The following FSTL5 variants were observed in gnomAD, a reference collection of about 807,000 sequenced individuals.
FSTL5 encodes the protein follistatin like 5.
A neutral mutation model predicts 89.1 loss-of-function variants in FSTL5; 62 were observed. The ratio of observed to expected loss-of-function variants is 0.70; its 90% CI spans 0.57 to 0.86. The LOEUF (loss-of-function observed/expected upper bound fraction) is 0.86, where lower values mean the gene tolerates loss of function less well. FSTL5 is among the 40% of genes least tolerant of loss of function. The pLI is 0.00. For missense variants in FSTL5, 1,057 were observed against 1,001.6 expected (o/e 1.06, Z -0.75); for synonymous variants, 383 against 346.2 (o/e 1.11, Z -1.18).
At chr4:161,554,276 C>T (rs540984049) in intron 8 of FSTL5, among the ~76,000 whole-genome samples, 1 of 151,454 alleles carries the variant, frequency 6.6e-6, no homozygotes, top group South Asian at 2.1e-4. Flanking sequence ...TTCTCAAAGG[C>T]CCACAGCAAC....
At chr4:161,558,487 A>C (rs1298091855) in intron 8 of FSTL5, among the ~76,000 whole-genome samples, 1 of 151,916 alleles carries the variant, frequency 6.6e-6, no homozygotes, top group Admixed American at 6.6e-5. Flanking sequence ...TATCAGTAGT[A>C]AAGACAAGTC....
intron 7 of FSTL5, among the ~76,000 whole-genome samples, chr4:161,614,785 G>A (rs1380547960): frequency 6.6e-6 from 1 of 151,908 alleles, no homozygotes; most frequent in Non-Finnish European, 1.5e-5. Context: ...ACTATACAAA[G>A]CATTGTAATT....
intron 3 of FSTL5, among the ~76,000 whole-genome samples, chr4:162,000,273 T>A (rs956763625): frequency 6.6e-6 from 1 of 152,106 alleles, no homozygotes; most frequent in Non-Finnish European, 1.5e-5. Flanking sequence ...ACTTCCTACA[T>A]ATATATATTT....
chr4:162,064,725 T>C (rs1227773553), intron 2 of FSTL5, among the ~76,000 whole-genome samples: 1 of 152,014 alleles, frequency 6.6e-6, no homozygotes, highest in Non-Finnish European at 1.5e-5. Flanking sequence ...GCTGTGTCTA[T>C]GGGTACACCA....
At chr4:162,038,057 G>T (rs1417489805) in intron 2 of FSTL5, among the ~76,000 whole-genome samples, 1 of 151,850 alleles carries the variant, frequency 6.6e-6, no homozygotes, top group Non-Finnish European at 1.5e-5. Context: ...CGATTCATTT[G>T]AAAAACATTC....
At chr4:162,070,513 G>C (rs1226786512) in intron 2 of FSTL5, among the ~76,000 whole-genome samples, 2 of 151,698 alleles carry the variant, frequency 1.3e-5, no homozygotes, top group African/African-American at 4.8e-5. Context: ...AATTCATTTT[G>C]AGTTGATTTT....
intron 6 of FSTL5, among the ~76,000 whole-genome samples, chr4:161,686,324 A>T (rs1267781033): frequency 1.4e-4 from 1 of 6,996 alleles, no homozygotes; most frequent in Non-Finnish European, 2.5e-4. Context: ...ATATATATAT[A>T]TATATATATA....
At chr4:161,711,104 T>C (rs1436910571) in intron 6 of FSTL5, among the ~76,000 whole-genome samples, 10 of 151,888 alleles carry the variant, frequency 6.6e-5, no homozygotes, top group African/African-American at 2.4e-4. Context: ...TGTAATATTT[T>C]TAATTAATAA....
At chr4:161,459,790 T>A (rs1733496644) in intron 13 of FSTL5, among the ~76,000 whole-genome samples, 2 of 152,102 alleles carry the variant, frequency 1.3e-5, no homozygotes, top group African/African-American at 4.8e-5. Flanking sequence ...TCTGTAATGT[T>A]AAAATGCCAA....
intron 1 of FSTL5, among the ~76,000 whole-genome samples, chr4:162,123,263 G>T (rs1731939803): frequency 6.6e-6 from 1 of 152,110 alleles, no homozygotes; most frequent in African/African-American, 2.4e-5. Context: ...AAACTGAAAT[G>T]CCACGGGGAA....
intron 3 of FSTL5, among the ~76,000 whole-genome samples, chr4:162,026,001 C>A (rs1225363810): frequency 6.6e-6 from 1 of 150,798 alleles, no homozygotes; most frequent in Non-Finnish European, 1.5e-5. Context: ...CAAATATACT[C>A]TTTTATAAAG....
At chr4:162,079,796 G>A (rs1292107295) in intron 2 of FSTL5, among the ~76,000 whole-genome samples, 1 of 151,324 alleles carries the variant, frequency 6.6e-6, no homozygotes, top group East Asian at 1.9e-4. Context: ...ACATCAAACT[G>A]GAAAGAGCTT....
chr4:161,486,143 C>CAAAAA (rs1278214856), intron 12 of FSTL5, among the ~76,000 whole-genome samples: 5 of 76,170 alleles, frequency 6.6e-5, no homozygotes, highest in African/African-American at 4.4e-5. Flanking sequence ...GACTCCGTCT[C>CAAAAA]AAAAAAAAAA....
chr4:162,105,793 G>A (rs1355435806), intron 2 of FSTL5, among the ~76,000 whole-genome samples: 2 of 151,990 alleles, frequency 1.3e-5, no homozygotes, highest in Non-Finnish European at 2.9e-5. Flanking sequence ...TCAGATGGTG[G>A]TCCAAACTGC....
At chr4:161,957,332 T>C (rs187017317) in intron 3 of FSTL5, among the ~76,000 whole-genome samples, 1 of 152,250 alleles carries the variant, frequency 6.6e-6, no homozygotes, top group Non-Finnish European at 1.5e-5. Context: ...CACAAACCTT[T>C]ATTATTCTCT....
At chr4:162,130,106 G>A (rs1229243988) in intron 1 of FSTL5, among the ~76,000 whole-genome samples, 1 of 152,316 alleles carries the variant, frequency 6.6e-6, no homozygotes, top group Admixed American at 6.5e-5. Context: ...TGGAGGTCTT[G>A]TAAAATGACT....
At chr4:161,941,884 C>T (rs925309516) in intron 3 of FSTL5, among the ~76,000 whole-genome samples, 2 of 151,764 alleles carry the variant, frequency 1.3e-5, no homozygotes, top group Non-Finnish European at 2.9e-5. Flanking sequence ...TGTTAGGCCA[C>T]AAGACAAATC....
intron 7 of FSTL5, among the ~76,000 whole-genome samples, chr4:161,633,045 T>C (rs2126658011): frequency 6.6e-6 from 1 of 152,144 alleles, no homozygotes; most frequent in Non-Finnish European, 1.5e-5. Flanking sequence ...TTTAGAATGA[T>C]TGTTTCTTTT....
At chr4:162,147,078 G>T (rs549284452) in intron 1 of FSTL5, among the ~76,000 whole-genome samples, 1 of 152,064 alleles carries the variant, frequency 6.6e-6, no homozygotes, top group African/African-American at 2.4e-5. Flanking sequence ...CATCGCACCT[G>T]GTCCTAACAT....
Sources: gnomAD v4.1 joint callset for allele counts (sites outside exome capture counted in the v4.1 genomes callset) on GRCh38, gnomAD v4.1.1 for gene constraint, MANE v1.5 for transcripts, NCBI Gene and HGNC (gene_info 2026-07-23, HGNC 2026-07-21) for gene names.